The following FRY variants were observed in gnomAD, a reference collection of about 807,000 sequenced individuals.
FRY encodes the protein FRY microtubule binding protein.
Under a neutral mutation model 348.4 loss-of-function variants are expected in FRY, and 128 were observed. That is an observed-to-expected ratio of 0.37 (90% CI 0.32 to 0.43). The LOEUF (loss-of-function observed/expected upper bound fraction) is 0.43, where lower values mean the gene tolerates loss of function less well. Ranked by LOEUF, FRY falls within the 20% of genes least tolerant of loss-of-function variation. The pLI is 1.00. For missense variants in FRY, 2,736 were observed against 3,695.2 expected (o/e 0.74, Z 6.73); for synonymous variants, 1,370 against 1,374.7 (o/e 1.00, Z 0.08).
At chr13:32,282,188 G>C (rs1464645493) in intron 58 of FRY, among the ~76,000 whole-genome samples, 1 of 152,146 alleles carries the variant, frequency 6.6e-6, no homozygotes, top group African/African-American at 2.4e-5. Flanking sequence ...CCCAACAAAT[G>C]TCTGGCCTCA....
At chr13:32,262,165 G>A (rs1887683018) in intron 52 of FRY, 149 bp from the exon 53 acceptor site, 2 of 690,760 alleles carry the variant, frequency 2.9e-6, no homozygotes, top group African/African-American at 3.6e-5. Flanking sequence ...AAAATACCTG[G>A]ATTACTAGCT....
chr13:32,200,676 T>C (rs1274887578), intron 29 of FRY, among the ~76,000 whole-genome samples: 2 of 152,204 alleles, frequency 1.3e-5, no homozygotes, highest in Non-Finnish European at 2.9e-5. Flanking sequence ...AAAATACATA[T>C]GGTGAAAAGA....
chr13:32,078,297 A>G (rs1315189146), intron 1 of FRY, among the ~76,000 whole-genome samples: 1 of 152,198 alleles, frequency 6.6e-6, no homozygotes, highest in Admixed American at 6.5e-5. Flanking sequence ...TGAGCCTCGT[A>G]TCTTTCAAGA....
chr13:32,263,275 T>G (rs1416353054), intron 53 of FRY, among the ~76,000 whole-genome samples: 1 of 152,166 alleles, frequency 6.6e-6, no homozygotes, highest in African/African-American at 2.4e-5. Flanking sequence ...TCGAAAAAAT[T>G]TCATAAAAGT....
At chr13:32,057,959 C>A (rs1412187419) in intron 1 of FRY, among the ~76,000 whole-genome samples, 1 of 150,454 alleles carries the variant, frequency 6.6e-6, no homozygotes, top group Admixed American at 6.6e-5. Flanking sequence ...GACTCCGTCT[C>A]AAAAAAAAAT....
intron 53 of FRY, 152 bp from the exon 54 acceptor site, chr13:32,265,298 T>C (rs986303287): frequency 1.4e-6 from 1 of 731,872 alleles, no homozygotes; most frequent in African/African-American, 1.7e-5. Context: ...GAGTCCAGCC[T>C]AGAAACGGAC....
chr13:32,255,082 G>C (rs912263098), intron 51 of FRY, among the ~76,000 whole-genome samples: 3 of 152,174 alleles, frequency 2.0e-5, no homozygotes, highest in Non-Finnish European at 4.4e-5. Context: ...AGCATCACCT[G>C]TCAGTCACCT....
chr13:32,291,656 C>T (rs554241288), intron 59 of FRY, among the ~76,000 whole-genome samples: 10 of 152,210 alleles, frequency 6.6e-5, no homozygotes, highest in Admixed American at 4.6e-4. Context: ...CCACCTGCCT[C>T]GGCCCCCACA....
intron 15 of FRY, among the ~76,000 whole-genome samples, chr13:32,156,585 C>G (rs2476721): frequency 0.71 from 100,651 of 142,208 alleles, 35,617 homozygotes; most frequent in East Asian, 0.98. Context: ...TGGGCAACAA[C>G]AGTGAAGCTC....
intron 11 of FRY, among the ~76,000 whole-genome samples, chr13:32,138,566 C>G (rs537472853): frequency 6.6e-6 from 1 of 152,254 alleles, no homozygotes; most frequent in Non-Finnish European, 1.5e-5. Context: ...TATACAACCC[C>G]AGAGAGGAGC....
chr13:32,046,000 G>GGAA (rs1367229150), intron 1 of FRY, among the ~76,000 whole-genome samples: 1 of 152,168 alleles, frequency 6.6e-6, no homozygotes, highest in Non-Finnish European at 1.5e-5. Flanking sequence ...CTCCAGTGAT[G>GGAA]GAAGACCCAC....
In FRY at chr13:32,103,064, C is replaced by T. The variant is rs889243459; in HGVS notation, c.324+1048C>T. On this transcript the variant is annotated intron_variant, in intron 3 of 60. Coordinates refer to ENST00000542859, the MANE Select transcript of FRY (RefSeq NM_023037.3). The stretch of plus-strand genomic sequence containing the variant: ...AACACCATGACTGTACAGACAAAAT[C>T]CTTTGTTTTCTATTTTATGAGCTGT... Among the ~76,000 whole-genome samples the T allele has an allele frequency of 9.9e-5, 15 of 152,270 alleles. No individual in the cohort carries two copies. In the East Asian group the frequency reaches 1.4e-3, roughly 14 times the overall value.
At chr13:32,185,275 T>A (rs1009329253) in intron 26 of FRY, 127 bp downstream of exon 26, 1 of 771,598 alleles carries the variant, frequency 1.3e-6, no homozygotes, top group Non-Finnish European at 2.3e-6. Flanking sequence ...GTTTATTTAC[T>A]TCGAGATACT....
chr13:32,225,797 C>G lies in FRY; in HGVS notation c.5029C>G (p.His1677Asp). The G allele has an allele frequency of 6.2e-7, 1 of 1,613,132 alleles. No homozygotes were observed. Among genetic ancestry groups the G allele is most frequent in the South Asian group, 1.1e-5 (1 of 91,064 alleles). The change falls in exon 39 of 61, where the codon CAC becomes GAC. Residue 1677 changes from histidine to aspartate, a missense_variant. This residue lies in a region of FRY where 794 missense variants were observed against 977.0 expected (regional missense o/e 0.81). Coordinates refer to ENST00000542859, the MANE Select transcript of FRY (RefSeq NM_023037.3). The stretch of plus-strand genomic sequence containing the variant: ...CTACTGTTTTGTTCCAGGTTTAGAC[C>G]ACTACCGGCCTGAAGTCTTTGAACA... ...LLHAVFLGLD[H>D]YRPEVFEHSK...
In FRY at chr13:32,117,374, C is replaced by T. The variant is rs1451566282; in HGVS notation, c.365C>T (p.Pro122Leu). Reference sequence around the variant, plus strand: ...AGCTCCCTTTCTGAGTACTGCCTGCCTTCCATTCTACGTACATTATTTGAC... The same window carrying T: ...AGCTCCCTTTCTGAGTACTGCCTGCTTTCCATTCTACGTACATTATTTGAC... The part of the protein sequence containing the change: ...SMSSLSEYCL[P>L]SILRTLFDWY... Residue 122 changes from proline (P) to leucine (L), a missense_variant, in exon 4 of 61, where the codon CCT becomes CTT. Coordinates refer to ENST00000542859, the MANE Select transcript of FRY (RefSeq NM_023037.3). 2 of 1,613,856 alleles carry T rather than the reference C, an allele frequency of 1.2e-6. No individual in the cohort carries two copies. The highest frequency in any genetic ancestry group is 2.2e-5 in the East Asian group (1 of 44,870).
intron 59 of FRY, among the ~76,000 whole-genome samples, chr13:32,290,400 GGAAACCACACCT>G (rs1184437482): frequency 6.6e-6 from 1 of 152,102 alleles, no homozygotes; most frequent in African/African-American, 2.4e-5. Context: ...GCTTGCTGGA[GGAAACCACACCT>G]GAATGGACTC....
rs747776007 is a variant in FRY, at chr13:32,157,367, T to C, written c.1746T>C (p.Asn582=). 2.5e-6 allele frequency: 4 copies of C among 1,613,354 alleles called. No individual in the cohort carries two copies. Among genetic ancestry groups the C allele is most frequent in the African/African-American group, 2.7e-5 (2 of 74,912 alleles). Reference sequence around the variant, plus strand: ...TAGGAAGGTGTATGATGCTGACTAATGTACAGATGTTAAACAAAGAACCGG... The same window carrying C: ...TAGGAAGGTGTATGATGCTGACTAACGTACAGATGTTAAACAAAGAACCGG... ...KEVGRCMMLT[N]VQMLNKEPED... Residue 582 remains asparagine (N), a synonymous_variant, in exon 16 of 61, where the codon AAT becomes AAC. Coordinates refer to ENST00000542859, the MANE Select transcript of FRY (RefSeq NM_023037.3).
intron 11 of FRY, among the ~76,000 whole-genome samples, chr13:32,146,063 C>T (rs1364465348): frequency 6.6e-6 from 1 of 152,176 alleles, no homozygotes. Context: ...TGGCCTTGCA[C>T]TGGCCCTTCA....
At chr13:32,186,453 C>G (rs1232420985) in intron 27 of FRY, 33 bp downstream of exon 27, 1 of 1,336,886 alleles carries the variant, frequency 7.5e-7, no homozygotes, top group South Asian at 1.2e-5. Flanking sequence ...ATGACTGAGT[C>G]AGATGGATGG....
Sources: allele counts gnomAD v4.1 joint callset (sites outside exome capture counted in the v4.1 genomes callset), GRCh38; gene constraint gnomAD v4.1.1; regional missense constraint gnomAD v4.1.1; transcripts MANE v1.5; gene names NCBI Gene and HGNC (gene_info 2026-07-23, HGNC 2026-07-21).